PHAF1: variants seen among roughly 807,000 people sequenced by gnomAD.
PHAF1 encodes the protein phagophore assembly factor 1.
A neutral mutation model predicts 63.1 loss-of-function variants in PHAF1; 23 were observed. The ratio of observed to expected loss-of-function variants is 0.36; its 90% CI spans 0.26 to 0.52. PHAF1 has a LOEUF of 0.52. PHAF1 is among the 20% of genes least tolerant of loss of function. The pLI, the probability that PHAF1 is intolerant of heterozygous loss-of-function variation, is 0.93. For synonymous variants in PHAF1, 167 were observed against 185.0 expected (o/e 0.90, Z 0.79); for missense variants, 427 against 517.2 (o/e 0.83, Z 1.69).
At chr16:67,134,553 C>A in intron 8 of PHAF1, 86 bp downstream of exon 8, 2 of 1,100,058 alleles carry the variant, frequency 1.8e-6, no homozygotes, top group Non-Finnish European at 2.8e-6. Flanking sequence ...GGGTGTGTCT[C>A]AGTCCATTCA....
In PHAF1 at chr16:67,148,512, T is replaced by C. The variant is rs2030304072; in HGVS notation, c.*1381T>C. 1 of 152,370 alleles carries C rather than the reference T, an allele frequency of 6.6e-6. No individual in the cohort carries two copies. The highest frequency in any genetic ancestry group is 1.5e-5 in the Non-Finnish European group (1 of 68,058). 9.4% of individuals were successfully genotyped at this position (152,370 alleles called of 1,614,324 possible). On this transcript the variant is annotated 3_prime_UTR_variant, in exon 16 of 16. Coordinates refer to ENST00000219139, the MANE Select transcript of PHAF1 (RefSeq NM_025187.5). ...CTGTGCCCTCAGCAATGGCCTGCCA[T>C]GTGCTGTTGCTGGGATGTTTGTATT...
chr16:67,145,585 G>A lies in PHAF1; in HGVS notation c.1066G>A (p.Glu356Lys), dbSNP rs760619919. 3.7e-6 allele frequency: 6 copies of A among 1,613,964 alleles called. No individual in the cohort carries two copies. Among genetic ancestry groups the A allele is most frequent in the Middle Eastern group, 1.7e-4 (1 of 6,060 alleles). ...TTYSKWDNIQ[E>K]LLGHPVEKPV... is the part of the protein sequence containing the mutation. ...CCTCTTGCAGTGGGACAACATCCAG[G>A]AGCTCCTGGGCCACCCTGTGGAGAA... is the stretch of plus-strand genomic sequence containing the variant. Residue 356 changes from glutamate (E) to lysine (K), a missense_variant, in exon 14 of 16, where the codon GAG becomes AAG. Coordinates refer to ENST00000219139, the MANE Select transcript of PHAF1 (RefSeq NM_025187.5).
chr16:67,143,392 G>C (rs1597217208), intron 10 of PHAF1, among the ~76,000 whole-genome samples: 1 of 152,060 alleles, frequency 6.6e-6, no homozygotes, highest in Non-Finnish European at 1.5e-5. Flanking sequence ...ACAAAAATTA[G>C]CCGGGCGTGG....
At chr16:67,126,594 G>GTTTTTTTT (rs201265915) in intron 3 of PHAF1, among the ~76,000 whole-genome samples, 3 of 144,238 alleles carry the variant, frequency 2.1e-5, no homozygotes, top group African/African-American at 2.7e-5. Context: ...TTTTGTTTTT[G>GTTTTTTTT]GTTTTTTTTT....
At position 67,144,376 on chromosome 16, in the gene PHAF1, T is replaced by TGTGA; in HGVS notation, c.962+3_962+6dup. The stretch of plus-strand genomic sequence containing the variant: ...TACCCTGGGCATTATAATTTCAACA[T>TGTGA]GTGAGTACACCTGTCTGTACCTCCC... On this transcript the variant is annotated stop_gained and frameshift_variant and splice_region_variant. Transcript: ENST00000219139. LOFTEE classifies it high-confidence loss of function. 6.3e-7 allele frequency: 1 copy of TGTGA among 1,590,868 alleles called. No homozygotes were observed. The highest frequency in any genetic ancestry group is 8.6e-7 in the Non-Finnish European group (1 of 1,158,810).
At chr16:67,116,008 C>T (rs1248410164) in intron 1 of PHAF1, among the ~76,000 whole-genome samples, 4 of 152,212 alleles carry the variant, frequency 2.6e-5, no homozygotes, top group Admixed American at 2.6e-4. Flanking sequence ...GAAAAAGAAA[C>T]TGGCATGTGC....
At chr16:67,137,469 C>T (rs1179391983) in intron 8 of PHAF1, among the ~76,000 whole-genome samples, 1 of 152,084 alleles carries the variant, frequency 6.6e-6, no homozygotes, top group Non-Finnish European at 1.5e-5. Context: ...CAGACGTGTG[C>T]CACCACGCCA....
chr16:67,133,501 T>TAAAAAAA (rs757439473), intron 6 of PHAF1, among the ~76,000 whole-genome samples: 2 of 99,794 alleles, frequency 2.0e-5, no homozygotes, highest in African/African-American at 3.6e-5. Context: ...CCAAAAATAT[T>TAAAAAAA]AAAAAAAAAA....
At position 67,147,087 on chromosome 16, in the gene PHAF1, C is replaced by T. The variant is rs774006050; in HGVS notation, c.1225C>T (p.Pro409Ser). 6.2e-7 allele frequency: 1 copy of T among 1,614,046 alleles called. No homozygotes were observed. The highest frequency in any genetic ancestry group is 1.1e-5 in the South Asian group (1 of 91,072). Residue 409 changes from proline to serine, a missense_variant, in exon 16 of 16, where the codon CCC (proline) becomes TCC (serine). Coordinates refer to ENST00000219139, the MANE Select transcript of PHAF1 (RefSeq NM_025187.5). ...CATTGCCTCGGTGACCCTGTATGGC[C>T]CCCCCAGGCCTGGTAGCCACCTGAG... ...NHIASVTLYG[P>S]PRPGSHLRTA...
At chr16:67,121,920 C>T (rs1962995114) in intron 2 of PHAF1, among the ~76,000 whole-genome samples, 1 of 151,712 alleles carries the variant, frequency 6.6e-6, no homozygotes, top group Non-Finnish European at 1.5e-5. Context: ...TTTTTTGAGA[C>T]AGTATCTTGC....
At position 67,145,569 on chromosome 16, in the gene PHAF1, G is replaced by C; in HGVS notation, c.1051-1G>C. The C allele has an allele frequency of 2.5e-6, 4 of 1,614,062 alleles. No homozygotes were observed. Among genetic ancestry groups the C allele is most frequent in the Non-Finnish European group, 3.4e-6 (4 of 1,179,982 alleles). ...CCTGCTCCCCTCTATCCCTCTTGCAGTGGGACAACATCCAGGAGCTCCTGG... is the reference window on the plus strand; with the variant it reads ...CCTGCTCCCCTCTATCCCTCTTGCACTGGGACAACATCCAGGAGCTCCTGG... On this transcript the variant is annotated splice_acceptor_variant, in intron 13 of 15. Coordinates refer to ENST00000219139, the MANE Select transcript of PHAF1 (RefSeq NM_025187.5). LOFTEE classifies it high-confidence loss of function.
chr16:67,146,205 GA>G (rs2030047681), intron 14 of PHAF1, 72 bp from the exon 15 acceptor site: 2 of 1,395,886 alleles, frequency 1.4e-6, no homozygotes, highest in Non-Finnish European at 2.0e-6. Flanking sequence ...CCATACCCCA[GA>G]AAAGACTGGA....
At chr16:67,115,918 C>T (rs1395101684) in intron 1 of PHAF1, among the ~76,000 whole-genome samples, 3 of 152,170 alleles carry the variant, frequency 2.0e-5, no homozygotes, top group South Asian at 2.1e-4. Context: ...TTTGGGAGGC[C>T]GAGACGGGAG....
intron 8 of PHAF1, among the ~76,000 whole-genome samples, chr16:67,136,495 G>T (rs1034640789): frequency 2.0e-5 from 3 of 146,448 alleles, no homozygotes; most frequent in Non-Finnish European, 4.5e-5. Context: ...GGAGCTCATT[G>T]CCTAACCAGC....
chr16:67,121,997 A>G (rs1962998560), intron 2 of PHAF1, among the ~76,000 whole-genome samples: 1 of 152,190 alleles, frequency 6.6e-6, no homozygotes, highest in Admixed American at 6.5e-5. Context: ...CCCTAGGCTC[A>G]AGTGATCCTC....
chr16:67,113,750 CTT>C (rs35147105), intron 1 of PHAF1, among the ~76,000 whole-genome samples: 21 of 135,300 alleles, frequency 1.6e-4, no homozygotes, highest in Admixed American at 1.5e-4. Flanking sequence ...CACCCAGCCT[CTT>C]TTTTTTTTTT....
chr16:67,145,177 A>G (rs559657103), intron 12 of PHAF1, among the ~76,000 whole-genome samples, 199 bp from the exon 13 acceptor site: 2 of 152,116 alleles, frequency 1.3e-5, no homozygotes, highest in East Asian at 3.9e-4. Flanking sequence ...CCCACTGCCA[A>G]TTGTTGTTGC....
intron 1 of PHAF1, among the ~76,000 whole-genome samples, chr16:67,112,368 A>C (rs1388565531): frequency 1.6e-5 from 2 of 122,666 alleles, no homozygotes; most frequent in Non-Finnish European, 3.3e-5. Context: ...ACATAGTGAG[A>C]CCTCGTTTCT....
intron 1 of PHAF1, among the ~76,000 whole-genome samples, chr16:67,113,979 G>A (rs2145815295): frequency 6.6e-6 from 1 of 152,254 alleles, no homozygotes; most frequent in South Asian, 2.1e-4. Flanking sequence ...TGGGAGGCAT[G>A]AGCATTTGTG....
Sources: gnomAD v4.1 joint callset for allele counts (sites outside exome capture counted in the v4.1 genomes callset) on GRCh38, gnomAD v4.1.1 for gene constraint, MANE v1.5 for transcripts, NCBI Gene and HGNC (gene_info 2026-07-23, HGNC 2026-07-21) for gene names.